Variants in CLSTN2 observed in about 807,000 individuals in gnomAD.
The protein encoded by CLSTN2 is calsyntenin 2.
Under a neutral mutation model 101.2 loss-of-function variants are expected in CLSTN2, and 48 were observed. The observed-to-expected ratio is 0.47, with a 90% confidence interval of 0.38 to 0.60. The LOEUF (loss-of-function observed/expected upper bound fraction) is 0.60. Ranked by LOEUF, CLSTN2 falls within the 20% of genes least tolerant of loss-of-function variation. The pLI is 0.00. For synonymous variants in CLSTN2, 481 were observed against 463.6 expected, an observed-to-expected ratio of 1.04 and a Z score of -0.48; for missense variants, 1,160 against 1,238.2, an observed-to-expected ratio of 0.94 and a Z score of 0.95.
intron 2 of CLSTN2, among the ~76,000 whole-genome samples, chr3:140,351,457 A>G (rs910766522): frequency 6.6e-6 from 1 of 152,228 alleles, no homozygotes; most frequent in Non-Finnish European, 1.5e-5. Flanking sequence ...ACCTTTAAAG[A>G]GTACAAAATA....
chr3:140,296,166 G>C (rs1328869662), intron 2 of CLSTN2, among the ~76,000 whole-genome samples: 1 of 152,100 alleles, frequency 6.6e-6, no homozygotes, highest in African/African-American at 2.4e-5. Flanking sequence ...ATCTAGAAGG[G>C]GGAACCACCT....
chr3:139,985,641 G>A (rs1936010549), intron 1 of CLSTN2, among the ~76,000 whole-genome samples: 1 of 152,192 alleles, frequency 6.6e-6, no homozygotes, highest in African/African-American at 2.4e-5. Context: ...AAAGAGAACT[G>A]TAGCTGTCAC....
chr3:140,434,219 G>A (rs756793493), intron 5 of CLSTN2, among the ~76,000 whole-genome samples: 18 of 152,194 alleles, frequency 1.2e-4, no homozygotes, highest in Non-Finnish European at 2.1e-4. Flanking sequence ...CCTGGTGGAG[G>A]GAGGAACTGG....
chr3:140,385,021 G>A (rs939064592), intron 2 of CLSTN2, among the ~76,000 whole-genome samples: 1 of 152,310 alleles, frequency 6.6e-6, no homozygotes, highest in South Asian at 2.1e-4. Flanking sequence ...GCAAATCCTA[G>A]TGTGACCTTG....
chr3:139,959,145 C>G (rs115013596), intron 1 of CLSTN2, among the ~76,000 whole-genome samples: 2,100 of 152,200 alleles, frequency 0.014, 52 homozygotes, highest in African/African-American at 0.048. Flanking sequence ...TGGCACACGT[C>G]TTCTGTCTCT....
At chr3:140,135,105 CACACACACACACATATATATATATATAT>C (rs1415624028) in intron 1 of CLSTN2, among the ~76,000 whole-genome samples, 9 of 53,302 alleles carry the variant, frequency 1.7e-4, no homozygotes, top group African/African-American at 8.0e-4. Flanking sequence ...CACACACACA[CACACACACACACATATATATATATATAT>C]ATATATATAT....
intron 2 of CLSTN2, among the ~76,000 whole-genome samples, chr3:140,360,208 A>C (rs921782229): frequency 1.3e-5 from 2 of 152,110 alleles, no homozygotes; most frequent in African/African-American, 4.8e-5. Context: ...TTCACTCATT[A>C]ATCAATAGAT....
chr3:140,383,927 T>C (rs60729521), intron 2 of CLSTN2, among the ~76,000 whole-genome samples: 2,509 of 152,262 alleles, frequency 0.016, 69 homozygotes, highest in African/African-American at 0.056. Context: ...GTAATACCAA[T>C]ATCCACGTAC....
At chr3:140,118,193 A>G (rs1482914756) in intron 1 of CLSTN2, among the ~76,000 whole-genome samples, 1 of 152,142 alleles carries the variant, frequency 6.6e-6, no homozygotes, top group Admixed American at 6.5e-5. Context: ...TTCAGAAGAA[A>G]TCAATCCTGA....
intron 7 of CLSTN2, among the ~76,000 whole-genome samples, chr3:140,461,608 C>G (rs1933564535): frequency 6.6e-6 from 1 of 152,140 alleles, no homozygotes; most frequent in Non-Finnish European, 1.5e-5. Flanking sequence ...ACCCTGTGTC[C>G]CAGGCCCAAG....
chr3:140,533,647 CTCGCAGTGAGCCGAGA>C (rs1935303974), intron 9 of CLSTN2, among the ~76,000 whole-genome samples: 1 of 149,350 alleles, frequency 6.7e-6, no homozygotes. Flanking sequence ...GGAGGTGGAG[CTCGCAGTGAGCCGAGA>C]TCGCGCCACT....
rs756758163 is a variant in CLSTN2 at position 140,421,213 on chromosome 3, C to T, written c.726C>T (p.Pro242=). The T allele has an allele frequency of 1.9e-5, 31 of 1,614,016 alleles. No individual in the cohort carries two copies. The highest frequency in any genetic ancestry group is 1.6e-4 in the Middle Eastern group (1 of 6,084). The change falls in exon 5 of 17, where the codon CCC becomes CCT. Residue 242 remains proline (P), a synonymous_variant. Transcript: ENST00000458420. The part of the protein sequence containing the change: ...LVTAYDCGQK[P]AAQDTLVQVD... ...CCGCCTACGACTGTGGACAGAAGCC[C>T]GCTGCTCAGGACACCCTGGTGCAGG...
Position 140,567,157 on chromosome 3 carries a change from A to C in CLSTN2, c.*904A>C, listed in dbSNP as rs1311074132. 1 of 152,528 alleles carries C rather than the reference A, an allele frequency of 6.6e-6. No individual in the cohort carries two copies. The highest frequency in any genetic ancestry group is 1.5e-5 in the Non-Finnish European group (1 of 68,282). 9.4% of individuals were successfully genotyped at this position (152,528 alleles called of 1,614,324 possible). The stretch of plus-strand genomic sequence containing the variant: ...AGTCACAACAAGCCTAGAGCCAGAA[A>C]GCAGATGGAAATGCTAATGAGGTCA... On this transcript the variant is annotated 3_prime_UTR_variant, in exon 17 of 17. Coordinates refer to ENST00000458420, the MANE Select transcript of CLSTN2 (RefSeq NM_022131.3).
intron 2 of CLSTN2, among the ~76,000 whole-genome samples, chr3:140,311,366 C>A (rs753914891): frequency 2.4e-5 from 3 of 123,452 alleles, no homozygotes; most frequent in Non-Finnish European, 3.1e-5. Context: ...AGTGCAGTGG[C>A]CTGATCTTGG....
In CLSTN2 at chr3:140,268,077, T is replaced by C. The variant is rs569276626; in HGVS notation, c.232+92004T>C. Among the ~76,000 whole-genome samples, 17 of 152,310 alleles carry C rather than the reference T, an allele frequency of 1.1e-4. No homozygotes were observed. The East Asian group carries it at 2.9e-3, about 26-fold the overall frequency. On this transcript the variant is annotated intron_variant, in intron 2 of 16. Transcript: ENST00000458420. ...GGGAAATACATTTAGTGCCAAGCTCTGAGCTTGGAGGCGAAAAGAGCTATC... is the reference window on the plus strand; with the variant it reads ...GGGAAATACATTTAGTGCCAAGCTCCGAGCTTGGAGGCGAAAAGAGCTATC...
intron 1 of CLSTN2, among the ~76,000 whole-genome samples, chr3:139,957,185 G>A (rs912961408): frequency 3.9e-5 from 6 of 152,070 alleles, no homozygotes; most frequent in African/African-American, 7.2e-5. Flanking sequence ...CATCCCTCTG[G>A]GGCTGCCCAG....
At chr3:140,009,850 C>T (rs1320774257) in intron 1 of CLSTN2, among the ~76,000 whole-genome samples, 1 of 152,194 alleles carries the variant, frequency 6.6e-6, no homozygotes, top group Non-Finnish European at 1.5e-5. Flanking sequence ...TGCATCAGCA[C>T]TCATGAGTCA....
At chr3:140,037,541 C>T (rs868128197) in intron 1 of CLSTN2, among the ~76,000 whole-genome samples, 3 of 148,118 alleles carry the variant, frequency 2.0e-5, no homozygotes, top group Admixed American at 6.7e-5. Flanking sequence ...CTTATGCATT[C>T]GTCTTTTTTT....
intron 8 of CLSTN2, among the ~76,000 whole-genome samples, chr3:140,527,744 A>AGGAC (rs1935174582): frequency 6.6e-6 from 1 of 152,232 alleles, no homozygotes; most frequent in African/African-American, 2.4e-5. Flanking sequence ...GCCATAAGAA[A>AGGAC]GAATTAAATC....
Sources: allele counts gnomAD v4.1 joint callset (sites outside exome capture counted in the v4.1 genomes callset), GRCh38; gene constraint gnomAD v4.1.1; transcripts MANE v1.5; gene names NCBI Gene and HGNC (gene_info 2026-07-23, HGNC 2026-07-21).